Variants in CKAP5 observed in about 807,000 individuals in gnomAD.
The protein encoded by CKAP5 is cytoskeleton-associated protein 5.
In CKAP5, 27 loss-of-function variants were observed where a neutral mutation model predicts 232.8. The observed-to-expected ratio is 0.12, with a 90% CI of 0.09 to 0.16. CKAP5 has a LOEUF of 0.16. Among genes scored for constraint, CKAP5 ranks in the 10% least tolerant of loss-of-function variants. CKAP5 has a pLI of 1.00. For missense variants in CKAP5, 1,838 were observed against 2,424.7 expected (o/e 0.76, Z 5.08); for synonymous variants, 785 against 841.1 (o/e 0.93, Z 1.16).
chr11:46,772,067 C>T (rs998532646), intron 24 of CKAP5, among the ~76,000 whole-genome samples: 31 of 139,048 alleles, frequency 2.2e-4, no homozygotes, highest in Non-Finnish European at 4.3e-4. Context: ...AAGTCTTGCT[C>T]TTGTCACCCA....
intron 13 of CKAP5, among the ~76,000 whole-genome samples, chr11:46,794,772 G>C (rs1306004923): frequency 6.6e-6 from 1 of 152,162 alleles, no homozygotes; most frequent in Non-Finnish European, 1.5e-5. Context: ...GGAGTTCCAG[G>C]TTGCAGTGAG....
intron 15 of CKAP5, 40 bp downstream of exon 15, chr11:46,790,036 T>A (rs1938674227): frequency 7.6e-7 from 1 of 1,323,408 alleles, no homozygotes; most frequent in Non-Finnish European, 1.1e-6. Flanking sequence ...TTCCATATAA[T>A]CTAATTTTCT....
intron 13 of CKAP5, among the ~76,000 whole-genome samples, chr11:46,794,595 T>C (rs1191305174): frequency 1.3e-5 from 2 of 152,180 alleles, no homozygotes; most frequent in African/African-American, 4.8e-5. Flanking sequence ...CTCAGCACTT[T>C]GGGAGGCCAA....
In CKAP5 at chr11:46,758,938, G is replaced by A. The variant is rs2065133206; in HGVS notation, c.4674C>T (p.Ile1558=). The A allele has an allele frequency of 6.2e-7, 1 of 1,613,812 alleles. No homozygotes were observed. The highest frequency in any genetic ancestry group is 8.5e-7 in the Non-Finnish European group (1 of 1,179,950). Residue 1558 remains isoleucine (I), a synonymous_variant, in exon 35 of 44, where the codon ATC becomes ATT. Transcript: ENST00000529230. The part of the protein sequence containing the change: ...QVASGDINTS[I]QALTQIDEVL... ...CACCCATTACCTGTGTCAGAGCTTG[G>A]ATACTTGTGTTGATGTCACCACTGG...
chr11:46,837,363 C>T (rs1286917641), intron 1 of CKAP5, among the ~76,000 whole-genome samples: 5 of 152,070 alleles, frequency 3.3e-5, no homozygotes, highest in African/African-American at 4.8e-5. Context: ...ATCTATGGAA[C>T]TCGTTTAACT....
chr11:46,821,727 G>C (rs909977701), intron 1 of CKAP5, among the ~76,000 whole-genome samples: 1 of 151,560 alleles, frequency 6.6e-6, no homozygotes, highest in South Asian at 2.1e-4. Flanking sequence ...CCGGCCAATA[G>C]AATTTTTTTT....
chr11:46,831,608 A>G (rs1381021170), intron 1 of CKAP5, among the ~76,000 whole-genome samples: 1 of 152,072 alleles, frequency 6.6e-6, no homozygotes, highest in African/African-American at 2.4e-5. Flanking sequence ...TGCTCACTCT[A>G]GTCTCATCCT....
At position 46,763,563 on chromosome 11, in the gene CKAP5, C is replaced by T. The variant is rs746789598; in HGVS notation, c.3605G>A (p.Ser1202Asn). ...YIEQLKTQMS[S>N]CVAKWLQDEM... ...ATCTTGTAACCATTTAGCCACACAG[C>T]TAGACATTTGAGTCTTTAGTTGCTC... is the stretch of plus-strand genomic sequence containing the variant. The change falls in exon 29 of 44, where the codon AGC (serine) becomes AAC (asparagine). Residue 1202 changes from serine (S) to asparagine (N), a missense_variant. Around this residue, in one of 6 missense-constraint regions of CKAP5, gnomAD observed 767 missense variants for 954.6 expected, o/e 0.80. Coordinates refer to ENST00000529230, the MANE Select transcript of CKAP5 (RefSeq NM_001008938.4). The T allele has an allele frequency of 3.1e-6, 5 of 1,604,308 alleles. No homozygotes were observed. In the South Asian group the frequency reaches 5.6e-5, roughly 18 times the overall value.
intron 1 of CKAP5, among the ~76,000 whole-genome samples, chr11:46,829,347 T>C (rs892297839): frequency 6.6e-6 from 1 of 152,200 alleles, no homozygotes; most frequent in Non-Finnish European, 1.5e-5. Context: ...AGTCTTACTT[T>C]ACTTAAAAGA....
chr11:46,795,562 T>C (rs767726065), intron 13 of CKAP5, 32 bp downstream of exon 13: 1 of 1,571,704 alleles, frequency 6.4e-7, no homozygotes, highest in Non-Finnish European at 8.7e-7. Flanking sequence ...GACCCTTCCT[T>C]ACTAACTTCT....
intron 23 of CKAP5, among the ~76,000 whole-genome samples, chr11:46,776,816 C>T (rs1022550864): frequency 1.5e-5 from 2 of 134,804 alleles, no homozygotes; most frequent in Admixed American, 8.4e-5. Flanking sequence ...TATTAATTTA[C>T]ATTAATATTA....
intron 34 of CKAP5, 82 bp from the exon 35 acceptor site, chr11:46,759,125 G>A: frequency 6.5e-7 from 1 of 1,546,478 alleles, no homozygotes; most frequent in Non-Finnish European, 8.8e-7. Flanking sequence ...TCTCCACTAG[G>A]TCCAGGTCTT....
intron 1 of CKAP5, among the ~76,000 whole-genome samples, chr11:46,823,191 G>A (rs1302791094): frequency 4.6e-5 from 7 of 151,938 alleles, no homozygotes; most frequent in Admixed American, 1.3e-4. Context: ...GACTGGTCTC[G>A]AACTCCTGGG....
intron 4 of CKAP5, among the ~76,000 whole-genome samples, chr11:46,812,044 A>G (rs925523500): frequency 1.3e-4 from 20 of 152,158 alleles, no homozygotes; most frequent in African/African-American, 4.8e-4. Context: ...TTCAAAAAGC[A>G]TATTTGGCCA....
intron 8 of CKAP5, 129 bp downstream of exon 8, chr11:46,807,902 T>C: frequency 1.7e-6 from 1 of 588,056 alleles, no homozygotes. Context: ...AAAATGTATG[T>C]CTGTAATTCA....
rs545750388 is a variant in CKAP5 at position 46,776,103 on chromosome 11, G to A, written c.2991+152C>T. ...GTGAAAGGAAAAAATGGAAGCACATGAATACAAAGGCCCCAGGAATGTGAT... is the reference window on the plus strand; with the variant it reads ...GTGAAAGGAAAAAATGGAAGCACATAAATACAAAGGCCCCAGGAATGTGAT... On this transcript the variant is annotated intron_variant, in intron 24 of 43. Coordinates refer to ENST00000529230, the MANE Select transcript of CKAP5 (RefSeq NM_001008938.4). 9.9e-5 allele frequency: 54 copies of A among 543,014 alleles called. No individual in the cohort carries two copies. The South Asian group carries it at 3.3e-3, about 33-fold the overall frequency. 33.6% of individuals were successfully genotyped at this position (543,014 alleles called of 1,614,324 possible). A position where few individuals can be genotyped will look rare whatever the true frequency, so the allele number is the denominator to read the frequency against.
At chr11:46,816,107 A>G (rs1939393366) in intron 4 of CKAP5, 91 bp downstream of exon 4, 6 of 1,017,128 alleles carry the variant, frequency 5.9e-6, no homozygotes, top group Admixed American at 2.0e-5. Context: ...CAATTCTTCC[A>G]TGGAAAAATT....
intron 9 of CKAP5, among the ~76,000 whole-genome samples, chr11:46,800,656 ATT>A (rs1939004898): frequency 6.6e-6 from 1 of 152,196 alleles, no homozygotes; most frequent in African/African-American, 2.4e-5. Context: ...CTCCAGTCAG[ATT>A]TTCTTTGAAT....
chr11:46,840,195 C>T (rs1283012549), intron 1 of CKAP5, among the ~76,000 whole-genome samples: 2 of 152,102 alleles, frequency 1.3e-5, no homozygotes, highest in Non-Finnish European at 2.9e-5. Context: ...ATGTTAGCTA[C>T]TGCTAGTAAA....
Sources: allele counts gnomAD v4.1 joint callset (sites outside exome capture counted in the v4.1 genomes callset), GRCh38; gene constraint gnomAD v4.1.1; regional missense constraint gnomAD v4.1.1; transcripts MANE v1.5; gene names NCBI Gene and HGNC (gene_info 2026-07-23, HGNC 2026-07-21).